The following RARB variants were observed in gnomAD, a reference collection of about 807,000 sequenced individuals.
RARB encodes the protein retinoic acid receptor beta.
A neutral mutation model predicts 51.9 loss-of-function variants in RARB; 17 were observed. The observed-to-expected ratio is 0.33, with a 90% CI of 0.22 to 0.49. RARB has a LOEUF of 0.49. RARB is among the 20% of genes least tolerant of loss of function. The pLI, the probability that RARB is intolerant of heterozygous loss-of-function variation, is 0.99. For synonymous variants in RARB, 215 were observed against 195.4 expected, an observed-to-expected ratio of 1.10 and a Z score of -0.84; for missense variants, 369 against 550.8, an observed-to-expected ratio of 0.67 and a Z score of 3.30.
At chr3:25,151,500 T>C (rs1004495209) in intron 4 of RARB, among the ~76,000 whole-genome samples, 9 of 152,214 alleles carry the variant, frequency 5.9e-5, no homozygotes, top group African/African-American at 2.2e-4. Context: ...TTTCTCCAGC[T>C]GCCTTCGTCT....
intron 2 of RARB, among the ~76,000 whole-genome samples, chr3:25,478,721 C>T (rs928044037): frequency 6.6e-6 from 1 of 152,214 alleles, no homozygotes; most frequent in African/African-American, 2.4e-5. Flanking sequence ...TGACACCTGG[C>T]TCTGCCAGCT....
chr3:25,072,076 C>T (rs1374348269), intron 3 of RARB, among the ~76,000 whole-genome samples: 1 of 152,206 alleles, frequency 6.6e-6, no homozygotes, highest in Non-Finnish European at 1.5e-5. Flanking sequence ...ATTCTCGTTT[C>T]TGTGTTGGTC....
intron 2 of RARB, among the ~76,000 whole-genome samples, chr3:24,861,899 A>AGAACC (rs1416192195): frequency 1.3e-5 from 2 of 152,250 alleles, no homozygotes; most frequent in African/African-American, 2.4e-5. Context: ...TCACAGTTTA[A>AGAACC]GAACCACTGG....
At chr3:25,180,012 A>G (rs1443207811) in intron 5 of RARB, among the ~76,000 whole-genome samples, 1 of 152,178 alleles carries the variant, frequency 6.6e-6, no homozygotes, top group Non-Finnish European at 1.5e-5. Context: ...TCAAGAATAT[A>G]TGAATATGAA....
intron 5 of RARB, among the ~76,000 whole-genome samples, chr3:25,321,757 A>C (rs1388640797): frequency 6.6e-6 from 1 of 151,962 alleles, no homozygotes; most frequent in Non-Finnish European, 1.5e-5. Context: ...CAGCCATTTG[A>C]GTCTTGAATC....
At position 24,850,612 on chromosome 3, in the gene RARB, G is replaced by A. The variant is rs115824539; in HGVS notation, c.-458-8062G>A. Among the ~76,000 whole-genome samples the A allele has an allele frequency of 6.6e-4, 99 of 150,288 alleles. No homozygotes were observed. The Middle Eastern group carries it at 0.014, about 21-fold the overall frequency. ...GAAACCTATGCAGACAGAAGAGTAG[G>A]AAGTGCTTTCTGAATGATAAATGTT... is the stretch of plus-strand genomic sequence containing the variant. On this transcript the variant is annotated intron_variant, in intron 1 of 11. Coordinates refer to the RARB transcript ENST00000383772.
chr3:25,327,168 AT>A (rs1361736870), intron 5 of RARB, among the ~76,000 whole-genome samples: 7 of 152,182 alleles, frequency 4.6e-5, no homozygotes, highest in African/African-American at 1.7e-4. Context: ...AACGTTTAAC[AT>A]TTGGCTATTA....
At chr3:25,460,209 A>C (rs1012682845) in intron 1 of RARB, among the ~76,000 whole-genome samples, 2 of 152,168 alleles carry the variant, frequency 1.3e-5, no homozygotes, top group African/African-American at 4.8e-5. Context: ...CAGATTCCAC[A>C]GGCCTGAGCT....
chr3:25,400,089 C>A (rs772483015), intron 5 of RARB, among the ~76,000 whole-genome samples: 3 of 152,078 alleles, frequency 2.0e-5, no homozygotes, highest in Non-Finnish European at 2.9e-5. Flanking sequence ...TAATGCTACC[C>A]ATTATTACTA....
chr3:25,215,732 A>G (rs958360131), intron 5 of RARB, among the ~76,000 whole-genome samples: 3 of 152,170 alleles, frequency 2.0e-5, no homozygotes, highest in Non-Finnish European at 4.4e-5. Flanking sequence ...TATGGAAAGG[A>G]AACTCGGAAT....
chr3:25,105,011 G>A (rs1699472164), intron 3 of RARB, among the ~76,000 whole-genome samples: 2 of 152,076 alleles, frequency 1.3e-5, no homozygotes, highest in South Asian at 2.1e-4. Flanking sequence ...AGCTGTACAC[G>A]TACAGTTTGT....
intron 2 of RARB, among the ~76,000 whole-genome samples, chr3:25,487,117 T>C (rs1286663): frequency 0.82 from 124,957 of 152,070 alleles, 52,758 homozygotes; most frequent in South Asian, 0.98. Context: ...GTGTCCCTGA[T>C]GCAGTCAGCT....
At chr3:25,056,699 C>A (rs1378876543) in intron 2 of RARB, among the ~76,000 whole-genome samples, 1 of 152,060 alleles carries the variant, frequency 6.6e-6, no homozygotes, top group East Asian at 1.9e-4. Flanking sequence ...GATATACATA[C>A]CTGTATATAT....
chr3:25,548,355 T>G (rs1455976087), intron 3 of RARB, among the ~76,000 whole-genome samples: 2 of 152,188 alleles, frequency 1.3e-5, no homozygotes, highest in Admixed American at 6.5e-5. Context: ...CATTTCTCAC[T>G]TCTCTAATAA....
At chr3:25,285,322 G>A (rs982064211) in intron 5 of RARB, among the ~76,000 whole-genome samples, 2 of 152,154 alleles carry the variant, frequency 1.3e-5, no homozygotes, top group African/African-American at 4.8e-5. Flanking sequence ...CAAAAGTAGT[G>A]TATTCAAAGG....
chr3:25,325,928 C>A (rs761409928), intron 5 of RARB, among the ~76,000 whole-genome samples: 2 of 152,186 alleles, frequency 1.3e-5, no homozygotes, highest in East Asian at 3.8e-4. Context: ...CCAAGACCAA[C>A]AGATTCCAAA....
intron 4 of RARB, among the ~76,000 whole-genome samples, chr3:25,138,335 G>GTTT (rs79013652): frequency 3.6e-5 from 5 of 140,700 alleles, no homozygotes; most frequent in Admixed American, 7.2e-5. Flanking sequence ...CTATAATTGA[G>GTTT]TTTTTTTTTT....
chr3:24,833,899 T>G (rs1481947956), intron 1 of RARB, among the ~76,000 whole-genome samples: 1 of 152,234 alleles, frequency 6.6e-6, no homozygotes, highest in Admixed American at 6.5e-5. Context: ...TATCTCACCT[T>G]TGTTCACCTC....
intron 5 of RARB, among the ~76,000 whole-genome samples, chr3:25,233,122 C>T (rs560567552): frequency 5.3e-5 from 8 of 151,770 alleles, no homozygotes; most frequent in East Asian, 3.9e-4. Flanking sequence ...ACTACAGGCA[C>T]GTGCCACCAT....
Sources: gnomAD v4.1 joint callset for allele counts (sites outside exome capture counted in the v4.1 genomes callset) on GRCh38, gnomAD v4.1.1 for gene constraint, MANE v1.5 for transcripts, NCBI Gene and HGNC (gene_info 2026-07-23, HGNC 2026-07-21) for gene names.